Variants in BICC1 observed in about 807,000 individuals in gnomAD.
BICC1 encodes protein bicaudal C homolog 1.
BICC1 carries 43 observed loss-of-function variants against 111.0 expected under a neutral mutation model. The ratio of observed to expected loss-of-function variants is 0.39; its 90% CI spans 0.30 to 0.50. BICC1 has a LOEUF of 0.50. Among genes scored for constraint, BICC1 ranks in the 20% least tolerant of loss-of-function variants. BICC1 has a pLI of 0.88. For synonymous variants in BICC1, 467 were observed against 434.4 expected, an observed-to-expected ratio of 1.07 and a Z score of -0.93; for missense variants, 1,091 against 1,203.2, an observed-to-expected ratio of 0.91 and a Z score of 1.38.
At chr10:58,760,176 T>A (rs1002335292) in intron 3 of BICC1, among the ~76,000 whole-genome samples, 1 of 152,160 alleles carries the variant, frequency 6.6e-6, no homozygotes, top group Non-Finnish European at 1.5e-5. Flanking sequence ...AGGTGCCTGG[T>A]TGTTGCCAGA....
chr10:58,732,375 G>GTA (rs1478722143), intron 3 of BICC1, among the ~76,000 whole-genome samples: 2 of 6,084 alleles, frequency 3.3e-4, no homozygotes, highest in East Asian at 4.9e-3. Flanking sequence ...GTGTGTGTGT[G>GTA]TATGTATATA....
At chr10:58,649,963 T>C (rs570732528) in intron 2 of BICC1, 80 of 152,308 alleles carry the variant, frequency 5.3e-4, no homozygotes, top group African/African-American at 1.9e-3. Flanking sequence ...TTTTTTTGAA[T>C]ATAACCGTAA....
chr10:58,712,170 A>T (rs1840597136), intron 3 of BICC1, among the ~76,000 whole-genome samples: 1 of 152,186 alleles, frequency 6.6e-6, no homozygotes, highest in African/African-American at 2.4e-5. Context: ...TACCTGTTAG[A>T]ATGGTTGAAA....
intron 2 of BICC1, among the ~76,000 whole-genome samples, chr10:58,672,482 A>G (rs1194336745): frequency 1.3e-5 from 2 of 152,166 alleles, no homozygotes; most frequent in African/African-American, 4.8e-5. Context: ...CATGCTTCAT[A>G]TTGCAGCTTA....
intron 2 of BICC1, among the ~76,000 whole-genome samples, chr10:58,692,773 ATCT>A (rs1028605166): frequency 2.0e-5 from 3 of 151,220 alleles, no homozygotes; most frequent in African/African-American, 7.3e-5. Flanking sequence ...GTTGTGAAAA[ATCT>A]TCTAGAATTT....
chr10:58,676,367 T>C (rs768468877), intron 2 of BICC1, among the ~76,000 whole-genome samples: 2 of 152,140 alleles, frequency 1.3e-5, no homozygotes, highest in Non-Finnish European at 2.9e-5. Flanking sequence ...CAAGCTAAGA[T>C]CTACTGGCTT....
intron 2 of BICC1, among the ~76,000 whole-genome samples, chr10:58,660,666 C>T (rs977717419): frequency 2.1e-4 from 32 of 152,198 alleles, no homozygotes; most frequent in Admixed American, 4.6e-4. Flanking sequence ...CTACTCAAGA[C>T]TCCTTCTGAC....
chr10:58,596,731 G>A (rs1844826866), intron 1 of BICC1, among the ~76,000 whole-genome samples: 1 of 152,118 alleles, frequency 6.6e-6, no homozygotes, highest in South Asian at 2.1e-4. Flanking sequence ...AAATCAATGT[G>A]CAAAAATCAC....
chr10:58,682,985 AG>A (rs1463052956), intron 2 of BICC1, among the ~76,000 whole-genome samples: 2 of 152,160 alleles, frequency 1.3e-5, no homozygotes, highest in Non-Finnish European at 2.9e-5. Context: ...GGTATTGCCT[AG>A]GTTTTCTTCT....
At position 58,702,158 on chromosome 10, in the gene BICC1, G is replaced by A. The variant is rs1225843077; in HGVS notation, c.307+15G>A. On this transcript the variant is annotated intron_variant, in intron 3 of 20. Coordinates refer to ENST00000373886, the MANE Select transcript of BICC1 (RefSeq NM_001080512.3). ...ATCCAAGAAAGGTAAATTGTGAGAG[G>A]GCAAGAAATAGGTGGTTTTGATAAC... 2 of 1,602,386 alleles carry A rather than the reference G, an allele frequency of 1.2e-6. No individual in the cohort carries two copies. Among genetic ancestry groups the A allele is most frequent in the Non-Finnish European group, 1.7e-6 (2 of 1,170,868 alleles).
chr10:58,741,351 C>T (rs1471744814), intron 3 of BICC1, among the ~76,000 whole-genome samples: 1 of 152,022 alleles, frequency 6.6e-6, no homozygotes, highest in Non-Finnish European at 1.5e-5. Context: ...GTAACAGCCC[C>T]ATGAAAGAAG....
intron 18 of BICC1, 87 bp from the exon 19 acceptor site, chr10:58,817,475 G>A: frequency 7.0e-7 from 1 of 1,435,186 alleles, no homozygotes; most frequent in African/African-American, 1.4e-5. Context: ...AATGGAAGTT[G>A]AAATATTTAG....
In BICC1 at chr10:58,521,017, A is replaced by G. The variant is rs527628560; in HGVS notation, c.190+7684A>G. Among the ~76,000 whole-genome samples the G allele has an allele frequency of 2.6e-5, 4 of 152,232 alleles. No individual in the cohort carries two copies. The East Asian group carries it at 7.8e-4, about 30-fold the overall frequency. On this transcript the variant is annotated intron_variant, in intron 1 of 20. Coordinates refer to ENST00000373886, the MANE Select transcript of BICC1 (RefSeq NM_001080512.3). ...ATTCTACACTGGGATCATACCTCCT[A>G]TCTTTTTCACTTAGCGTTGAATCAT...
At chr10:58,526,774 T>C (rs1031555574) in intron 1 of BICC1, among the ~76,000 whole-genome samples, 2 of 152,368 alleles carry the variant, frequency 1.3e-5, no homozygotes, top group South Asian at 4.1e-4. Flanking sequence ...TTTTTATGGC[T>C]GCATAGTATT....
intron 1 of BICC1, among the ~76,000 whole-genome samples, chr10:58,582,402 G>T (rs1320628623): frequency 6.6e-6 from 1 of 152,148 alleles, no homozygotes; most frequent in Non-Finnish European, 1.5e-5. Flanking sequence ...GAGCATAAAT[G>T]AATACCTTTA....
chr10:58,638,459 C>T (rs1025378328), intron 2 of BICC1, among the ~76,000 whole-genome samples: 1 of 152,196 alleles, frequency 6.6e-6, no homozygotes, highest in African/African-American at 2.4e-5. Context: ...TTATTTGACT[C>T]TTGCCTTCTT....
At chr10:58,650,584 A>G (rs966548105) in intron 2 of BICC1, 8 of 152,110 alleles carry the variant, frequency 5.3e-5, no homozygotes, top group Non-Finnish European at 1.0e-4. Context: ...CATCCATGGA[A>G]CATTGGCTAC....
rs188954001 is a variant in BICC1, at chr10:58,543,292, A to G, written c.190+29959A>G. ...ACACATACCACATGATTCCACTTAC[A>G]TGAGGTATCTAAAATAGCCATACTC... On this transcript the variant is annotated intron_variant, in intron 1 of 20. Coordinates refer to ENST00000373886, the MANE Select transcript of BICC1 (RefSeq NM_001080512.3). Among the ~76,000 whole-genome samples, 5 of 152,274 alleles carry G rather than the reference A, an allele frequency of 3.3e-5. No individual in the cohort carries two copies. In the East Asian group the frequency reaches 7.7e-4, roughly 24 times the overall value.
intron 1 of BICC1, among the ~76,000 whole-genome samples, chr10:58,532,534 C>T (rs1429888238): frequency 5.3e-5 from 8 of 151,814 alleles, no homozygotes; most frequent in African/African-American, 1.9e-4. Flanking sequence ...AAATCAGCTG[C>T]TTCCAAATGG....
Sources: gnomAD v4.1 joint callset for allele counts (sites outside exome capture counted in the v4.1 genomes callset) on GRCh38, gnomAD v4.1.1 for gene constraint, MANE v1.5 for transcripts, NCBI Gene and HGNC (gene_info 2026-07-23, HGNC 2026-07-21) for gene names.